HMCN2: variants seen among roughly 807,000 people sequenced by gnomAD.
HMCN2 encodes hemicentin-2.
In HMCN2, 325 loss-of-function variants were observed where a neutral mutation model predicts 377.5. The ratio of observed to expected loss-of-function variants is 0.86; its 90% confidence interval spans 0.79 to 0.94. The LOEUF is 0.94. HMCN2 is among the 40% of genes least tolerant of loss of function. HMCN2 has a pLI of 0.00. For synonymous variants in HMCN2, 2,007 were observed against 2,046.8 expected (o/e 0.98, Z 0.53); for missense variants, 4,543 against 4,725.3 (o/e 0.96, Z 1.13).
At chr9:130,290,266 G>T (rs1554929561) in intron 4 of HMCN2, among the ~76,000 whole-genome samples, 1 of 152,206 alleles carries the variant, frequency 6.6e-6, no homozygotes, top group Non-Finnish European at 1.5e-5. Flanking sequence ...GTGGGCAAGA[G>T]GGTCAGCCCC....
intron 1 of HMCN2, among the ~76,000 whole-genome samples, chr9:130,275,157 C>G (rs1272081463): frequency 6.6e-6 from 1 of 152,106 alleles, no homozygotes; most frequent in Non-Finnish European, 1.5e-5. Flanking sequence ...TGCTAGTTTC[C>G]TAGGTGGGAG....
Position 130,391,195 on chromosome 9 carries a change from C to T in HMCN2, c.9668-9C>T. 1.0e-6 allele frequency: 1 copy of T among 988,018 alleles called. No individual in the cohort carries two copies. Among genetic ancestry groups the T allele is most frequent in the Non-Finnish European group, 1.2e-6 (1 of 830,306 alleles). The allele number at this position is 988,018 out of a possible 1,614,324, so 61.2% of individuals were successfully genotyped here. ...CATCACCCAGGGCCTCACTGCACCCCTGCCTCAGTGGCCCCCCGGATCCGG... is the reference window on the plus strand; with the variant it reads ...CATCACCCAGGGCCTCACTGCACCCTTGCCTCAGTGGCCCCCCGGATCCGG... On this transcript the variant is annotated splice_polypyrimidine_tract_variant and intron_variant, in intron 63 of 97. Transcript: ENST00000683500.
In HMCN2 at chr9:130,377,270, C is replaced by T. The variant is rs904702828; in HGVS notation, c.8062-379C>T. Among the ~76,000 whole-genome samples, 7 of 152,096 alleles carry T rather than the reference C, an allele frequency of 4.6e-5. No homozygotes were observed. The East Asian group carries it at 5.8e-4, about 13-fold the overall frequency. ...CTGGGATTATAGGCGCCCGCCACCACGCCTGGCTAATTTTTTGTATTTTTA... is the reference window on the plus strand; with the variant it reads ...CTGGGATTATAGGCGCCCGCCACCATGCCTGGCTAATTTTTTGTATTTTTA... On this transcript the variant is annotated intron_variant, in intron 52 of 97. Coordinates refer to ENST00000683500, the MANE Select transcript of HMCN2 (RefSeq NM_001291815.2).
rs1844870584 is a variant in HMCN2, at chr9:130,433,282, C to G, written c.14895-66C>G. ...GGGGCTGGCAGGGAGGTCTGAGTTA[C>G]GCGGATGGGCCACGCTCCGACCGCA... On this transcript the variant is annotated intron_variant, in intron 97 of 97. Transcript: ENST00000683500. 60 of 1,284,186 alleles carry G rather than the reference C, an allele frequency of 4.7e-5. 1 individual carries two copies. Among genetic ancestry groups the G allele is most frequent in the Non-Finnish European group, 5.8e-5 (57 of 988,702 alleles). The allele number at this position is 1,284,186 out of a possible 1,614,324, so 79.5% of individuals were successfully genotyped here. A position where few individuals can be genotyped will look rare whatever the true frequency, so the allele number is the denominator to read the frequency against.
chr9:130,380,837 G>A (rs1253241771), intron 54 of HMCN2, among the ~76,000 whole-genome samples: 1 of 150,846 alleles, frequency 6.6e-6, no homozygotes, highest in Non-Finnish European at 1.5e-5. Flanking sequence ...ATCCAGGAGT[G>A]CAACTCTTAC....
At chr9:130,397,860 C>T (rs1040314593) in intron 74 of HMCN2, among the ~76,000 whole-genome samples, 4 of 152,022 alleles carry the variant, frequency 2.6e-5, no homozygotes, top group South Asian at 2.1e-4. Context: ...AACAGAACAG[C>T]GATTCGATTA....
chr9:130,404,497 G>A (rs1004757615), intron 80 of HMCN2, among the ~76,000 whole-genome samples: 12 of 152,240 alleles, frequency 7.9e-5, no homozygotes, highest in Non-Finnish European at 1.3e-4. Context: ...TAGCTCCTCC[G>A]CAGGGATGCT....
Position 130,423,084 on chromosome 9 carries a change from G to A in HMCN2, c.13381+358G>A, listed in dbSNP as rs894821410. ...CCCCATTTAAGTTAAAGCTCAGGCT[G>A]ATGGAAGTGGAGGGATCTCCAGTCA... On this transcript the variant is annotated intron_variant, in intron 87 of 97. Transcript: ENST00000683500. This position sits in a 1 kb window ranked among gnomAD's most constrained non-coding sequence, Gnocchi z 5.5. Among the ~76,000 whole-genome samples, 1 of 152,248 alleles carries A rather than the reference G, an allele frequency of 6.6e-6. No individual in the cohort carries two copies. Among genetic ancestry groups the A allele is most frequent in the Non-Finnish European group, 1.5e-5 (1 of 68,040 alleles).
At chr9:130,288,354 T>G (rs1835540682) in intron 4 of HMCN2, among the ~76,000 whole-genome samples, 1 of 152,240 alleles carries the variant, frequency 6.6e-6, no homozygotes, top group Admixed American at 6.5e-5. Context: ...ATTGGCTACC[T>G]CTAAGTAGGG....
In HMCN2 at chr9:130,382,941, G is replaced by A. The variant is rs1841809303; in HGVS notation, c.8733+75G>A. On this transcript the variant is annotated intron_variant, in intron 56 of 97. Coordinates refer to ENST00000683500, the MANE Select transcript of HMCN2 (RefSeq NM_001291815.2). ...GCACCACTTGTCTGGGAGCCAGGGA[G>A]GGGTCATTATCTGCAAATGAGGCTC... is the stretch of plus-strand genomic sequence containing the variant. 4.6e-6 allele frequency: 4 copies of A among 877,140 alleles called. No homozygotes were observed. The South Asian group carries it at 2.1e-4, about 46-fold the overall frequency. 54.3% of individuals were successfully genotyped at this position (877,140 alleles called of 1,614,324 possible).
chr9:130,304,718 A>G lies in HMCN2; in HGVS notation c.1544-12A>G. The G allele has an allele frequency of 2.2e-6, 1 of 458,164 alleles. No homozygotes were observed. The highest frequency in any genetic ancestry group is 7.1e-5 in the East Asian group (1 of 14,104). The allele number at this position is 458,164 out of a possible 1,614,324, so 28.4% of individuals were successfully genotyped here. A position where few individuals can be genotyped will look rare whatever the true frequency, so the allele number is the denominator to read the frequency against. On this transcript the variant is annotated splice_polypyrimidine_tract_variant and intron_variant, in intron 10 of 97. Transcript: ENST00000683500. The surrounding 1 kb of genome is among the most constrained non-coding windows in gnomAD (Gnocchi z 4.3). ...CAGCTCCTTGGTTCCTCCTGTGCTC[A>G]TGTCCCTGCAGACCCCCCGCCGCAG...
rs887683066 is a variant in HMCN2 at position 130,360,445 on chromosome 9, G to A, written c.5791G>A (p.Gly1931Ser). 7.7e-7 allele frequency: 1 copy of A among 1,299,480 alleles called. No homozygotes were observed. The highest frequency in any genetic ancestry group is 1.5e-5 in the African/African-American group (1 of 65,506). 80.5% of individuals were successfully genotyped at this position (1,299,480 alleles called of 1,614,324 possible). ...TTCCCCAGATGTCTCCTGGTTCAAG[G>A]GCCACCAACCTGTCTCTTCATGGAT... ...VPPPDVSWFKGHQPVSSWMGV... is the reference protein window; with the variant it reads ...VPPPDVSWFKSHQPVSSWMGV... The change falls in exon 38 of 98, where the codon GGC becomes AGC. Residue 1931 changes from glycine to serine, a missense_variant. Around this residue, in one of 5 missense-constraint regions of HMCN2, gnomAD observed 1,032 missense variants for 1,285.1 expected, o/e 0.80. Coordinates refer to ENST00000683500, the MANE Select transcript of HMCN2 (RefSeq NM_001291815.2). The surrounding 1 kb of genome is among the most constrained non-coding windows in gnomAD (Gnocchi z 4.7).
rs1352307618 is a variant in HMCN2 at position 130,403,850 on chromosome 9, G to A, written c.12123G>A (p.Met4041Ile). ...CIAKNSAGSAMGKTRLVVQVP... is the reference protein window; with the variant it reads ...CIAKNSAGSAIGKTRLVVQVP... ...CTAAGAACAGTGCGGGCAGTGCCATGGGGAAGACGCGGCTGGTGGTGCAAG... is the reference window on the plus strand; with the variant it reads ...CTAAGAACAGTGCGGGCAGTGCCATAGGGAAGACGCGGCTGGTGGTGCAAG... Residue 4041 changes from methionine (M) to isoleucine (I), a missense_variant, in exon 80 of 98, where the codon ATG becomes ATA. Around this residue, in one of 5 missense-constraint regions of HMCN2, gnomAD observed 1,073 missense variants for 1,319.5 expected, o/e 0.81. Coordinates refer to ENST00000683500, the MANE Select transcript of HMCN2 (RefSeq NM_001291815.2). The A allele has an allele frequency of 7.8e-7, 1 of 1,289,626 alleles. No homozygotes were observed. Among genetic ancestry groups the A allele is most frequent in the East Asian group, 5.6e-5 (1 of 18,010 alleles). The allele number at this position is 1,289,626 out of a possible 1,614,324, so 79.9% of individuals were successfully genotyped here.
intron 32 of HMCN2, among the ~76,000 whole-genome samples, chr9:130,355,402 G>A (rs371569591): frequency 3.0e-4 from 46 of 152,310 alleles, no homozygotes; most frequent in African/African-American, 4.3e-4. Context: ...TGGGGCCTTC[G>A]CCTGCTCTTC....
At chr9:130,380,744 A>T (rs565281060) in intron 54 of HMCN2, among the ~76,000 whole-genome samples, 1 of 151,356 alleles carries the variant, frequency 6.6e-6, no homozygotes, top group African/African-American at 2.4e-5. Flanking sequence ...CCGTGATCAC[A>T]CCACTGCACT....
chr9:130,348,014 A>C, intron 26 of HMCN2: 1 of 985,328 alleles, frequency 1.0e-6, no homozygotes, highest in Non-Finnish European at 1.2e-6. Context: ...GTGCAGAGGA[A>C]AGGAACCCCT....
intron 87 of HMCN2, 80 bp from the exon 88 acceptor site, chr9:130,424,696 A>G: frequency 7.1e-7 from 1 of 1,398,962 alleles, no homozygotes; most frequent in Non-Finnish European, 9.4e-7. Context: ...GGCAGTGGGG[A>G]GCCATGACGG....
chr9:130,375,202 C>T (rs1841306870), intron 49 of HMCN2, among the ~76,000 whole-genome samples: 1 of 152,244 alleles, frequency 6.6e-6, no homozygotes, highest in East Asian at 1.9e-4. Flanking sequence ...AGCAAAGCTA[C>T]TCTACTCAGC....
Position 130,394,548 on chromosome 9 carries a change from A to G in HMCN2, c.10665A>G (p.Thr3555=), listed in dbSNP as rs1373470254. 1.1e-5 allele frequency: 14 copies of G among 1,288,970 alleles called. No individual in the cohort carries two copies. The highest frequency in any genetic ancestry group is 1.4e-5 in the Non-Finnish European group (14 of 988,584). 79.8% of individuals were successfully genotyped at this position (1,288,970 alleles called of 1,614,324 possible). The part of the protein sequence containing the change: ...LTRLENNSRA[T]RVLRVENVQV... ...GGCTGGAGAACAACAGCAGAGCCAC[A>G]CGGGTGCTCCGGGTGGAGAATGTGC... Residue 3555 remains threonine, a synonymous_variant, in exon 69 of 98, where the codon ACA becomes ACG. Transcript: ENST00000683500. The surrounding 1 kb of genome is among the most constrained non-coding windows in gnomAD (Gnocchi z 5.1).
Sources: gnomAD v4.1 joint callset for allele counts (sites outside exome capture counted in the v4.1 genomes callset) on GRCh38, gnomAD v4.1.1 for gene constraint, gnomAD v4.1.1 regional missense constraint, Gnocchi (gnomAD v3.1) non-coding constraint, MANE v1.5 for transcripts, NCBI Gene and HGNC (gene_info 2026-07-23, HGNC 2026-07-21) for gene names.